HERC3: variants seen among roughly 807,000 people sequenced by gnomAD.
The protein encoded by HERC3 is HECT and RLD domain containing E3 ubiquitin protein ligase 3.
In HERC3, 58 loss-of-function variants were observed where a neutral mutation model predicts 129.9. That is an observed-to-expected ratio of 0.45 (90% CI 0.36 to 0.56). The LOEUF is 0.56. Ranked by LOEUF, HERC3 falls within the 20% of genes least tolerant of loss-of-function variation. The pLI, the probability that HERC3 is intolerant of heterozygous loss-of-function variation, is 0.00. For missense variants in HERC3, 835 were observed against 1,244.2 expected, an observed-to-expected ratio of 0.67 and a Z score of 4.95; for synonymous variants, 430 against 451.0, an observed-to-expected ratio of 0.95 and a Z score of 0.59.
chr4:88,630,550 G>A (rs1726632834), intron 3 of HERC3, among the ~76,000 whole-genome samples: 1 of 152,166 alleles, frequency 6.6e-6, no homozygotes, highest in African/African-American at 2.4e-5. Flanking sequence ...TATGGAAGCC[G>A]GTGCTGTAGT....
intron 23 of HERC3, among the ~76,000 whole-genome samples, chr4:88,694,015 G>A (rs1282260631): frequency 6.6e-6 from 1 of 152,204 alleles, no homozygotes. Flanking sequence ...GTTAGGAAGT[G>A]GCAGAAATCG....
Position 88,707,314 on chromosome 4 carries a change from T to C in HERC3, c.*354T>C. ...TCCCAAATGTCTCTCTCAGCCCTGA[T>C]GTTTTCTCACAGTGCTTCCTTGTCC... On this transcript the variant is annotated 3_prime_UTR_variant, in exon 26 of 26. Transcript: ENST00000402738. 8.0e-6 allele frequency: 2 copies of C among 249,998 alleles called. No homozygotes were observed. The highest frequency in any genetic ancestry group is 1.0e-4 in the South Asian group (2 of 19,988). 15.5% of individuals were successfully genotyped at this position (249,998 alleles called of 1,614,324 possible).
the HERC3 span, among the ~76,000 whole-genome samples, chr4:88,539,376 C>T: frequency 6.6e-6 from 1 of 152,174 alleles, no homozygotes; most frequent in Non-Finnish European, 1.5e-5. Context: ...AGAGGGGCAT[C>T]CACTATTGCT....
chr4:88,672,536 A>C (rs1434562758), intron 16 of HERC3, among the ~76,000 whole-genome samples: 1 of 152,206 alleles, frequency 6.6e-6, no homozygotes, highest in Non-Finnish European at 1.5e-5. Context: ...ATTTTTGTTT[A>C]ACTACTTTTA....
intron 3 of HERC3, among the ~76,000 whole-genome samples, chr4:88,634,250 C>G (rs997283778): frequency 1.3e-5 from 2 of 152,222 alleles, no homozygotes; most frequent in Non-Finnish European, 2.9e-5. Context: ...CTCGTGAGCC[C>G]ATGCTACTGG....
chr4:88,601,839 G>A (rs113988449), intron 2 of HERC3, among the ~76,000 whole-genome samples: 5,346 of 91,168 alleles, frequency 0.059, 455 homozygotes, highest in Middle Eastern at 0.16. Flanking sequence ...GGCGGATCAC[G>A]AGGTCAGGAG....
chr4:88,554,242 A>G, the HERC3 span, among the ~76,000 whole-genome samples: 6 of 150,896 alleles, frequency 4.0e-5, no homozygotes, highest in African/African-American at 1.5e-4. Flanking sequence ...GCTACTTGGG[A>G]GTCTGAGACA....
chr4:88,578,161 C>A, the HERC3 span, among the ~76,000 whole-genome samples: 5 of 152,092 alleles, frequency 3.3e-5, no homozygotes, highest in African/African-American at 1.2e-4. Context: ...ATGTCAAGGA[C>A]CATATCAATG....
chr4:88,612,555 T>G (rs1413298231), intron 3 of HERC3, among the ~76,000 whole-genome samples: 1 of 152,100 alleles, frequency 6.6e-6, no homozygotes, highest in Non-Finnish European at 1.5e-5. Flanking sequence ...TAAAAAAAAG[T>G]ATTGGATTAT....
chr4:88,672,419 T>A (rs1731709796), intron 16 of HERC3, among the ~76,000 whole-genome samples: 1 of 152,232 alleles, frequency 6.6e-6, no homozygotes, highest in Non-Finnish European at 1.5e-5. Flanking sequence ...TTGTGATTTT[T>A]GTGGAATTTT....
intron 21 of HERC3, among the ~76,000 whole-genome samples, chr4:88,685,768 A>G (rs1447106622): frequency 6.6e-6 from 1 of 152,032 alleles, no homozygotes; most frequent in Non-Finnish European, 1.5e-5. Context: ...AAGTAAAATA[A>G]TAATAATAAT....
the HERC3 span, among the ~76,000 whole-genome samples, chr4:88,545,431 T>C: frequency 7.8e-3 from 341 of 43,732 alleles, 7 homozygotes; most frequent in African/African-American, 0.07. Flanking sequence ...TTGAGAATTC[T>C]TTTTTTTTTT....
chr4:88,654,385 T>C (rs866548812), intron 7 of HERC3, among the ~76,000 whole-genome samples: 6,961 of 104,178 alleles, frequency 0.067, 233 homozygotes, highest in Middle Eastern at 0.13. Flanking sequence ...TATATATATA[T>C]ATACACACAC....
At chr4:88,550,488 T>C in the HERC3 span, among the ~76,000 whole-genome samples, 4 of 150,672 alleles carry the variant, frequency 2.7e-5, no homozygotes, top group African/African-American at 9.8e-5. Context: ...TATACACCAG[T>C]AACAGACAAA....
At chr4:88,609,236 T>C (rs1186684709) in intron 3 of HERC3, among the ~76,000 whole-genome samples, 3 of 152,006 alleles carry the variant, frequency 2.0e-5, no homozygotes, top group African/African-American at 7.3e-5. Flanking sequence ...TGAGCTGTGA[T>C]TGCATCATTG....
At chr4:88,532,197 A>G in the HERC3 span, among the ~76,000 whole-genome samples, 1 of 152,184 alleles carries the variant, frequency 6.6e-6, no homozygotes, top group Non-Finnish European at 1.5e-5. Flanking sequence ...ATATAGATAT[A>G]TTTATAAAAC....
the HERC3 span, among the ~76,000 whole-genome samples, chr4:88,542,700 G>C: frequency 1.4e-3 from 216 of 152,200 alleles, 1 homozygote; most frequent in Admixed American, 3.3e-3. Context: ...AAAATACTGT[G>C]AAACCAAATC....
At chr4:88,646,467 T>C (rs1466019663) in intron 3 of HERC3, among the ~76,000 whole-genome samples, 1 of 152,216 alleles carries the variant, frequency 6.6e-6, no homozygotes, top group Non-Finnish European at 1.5e-5. Flanking sequence ...TTAAAAACTT[T>C]AAAGTGTTGC....
the HERC3 span, among the ~76,000 whole-genome samples, chr4:88,548,034 T>C: frequency 6.6e-6 from 1 of 152,224 alleles, no homozygotes; most frequent in Non-Finnish European, 1.5e-5. Context: ...TGCCAAATAA[T>C]ATCCCATTGT....
Sources: allele counts gnomAD v4.1 joint callset (sites outside exome capture counted in the v4.1 genomes callset), GRCh38; gene constraint gnomAD v4.1.1; transcripts MANE v1.5; gene names NCBI Gene and HGNC (gene_info 2026-07-23, HGNC 2026-07-21).